PDSS2: variants seen among roughly 807,000 people sequenced by gnomAD.
PDSS2 encodes the protein decaprenyl diphosphate synthase subunit 2.
Under a neutral mutation model 44.5 loss-of-function variants are expected in PDSS2, and 31 were observed. The observed-to-expected ratio is 0.70, with a 90% CI of 0.52 to 0.94. The LOEUF is 0.94. Among genes scored for constraint, PDSS2 ranks in the 40% least tolerant of loss-of-function variants. The pLI is 0.00. For missense variants in PDSS2, 452 were observed against 482.2 expected, an observed-to-expected ratio of 0.94 and a Z score of 0.59; for synonymous variants, 157 against 180.3, an observed-to-expected ratio of 0.87 and a Z score of 1.03.
At chr6:107,166,259 T>G (rs2114332872) in intron 7 of PDSS2, among the ~76,000 whole-genome samples, 1 of 152,186 alleles carries the variant, frequency 6.6e-6, no homozygotes, top group South Asian at 2.1e-4. Context: ...CCAACGGGAA[T>G]GCTTCCAGTT....
chr6:107,284,383 GGGCGC>G (rs1776069558), intron 2 of PDSS2, among the ~76,000 whole-genome samples: 1 of 152,078 alleles, frequency 6.6e-6, no homozygotes, highest in Non-Finnish European at 1.5e-5. Context: ...TTAACTGGCT[GGGCGC>G]GGTGGCTCAC....
chr6:107,399,151 T>C (rs763408517), intron 1 of PDSS2, among the ~76,000 whole-genome samples: 3 of 152,198 alleles, frequency 2.0e-5, no homozygotes, highest in Non-Finnish European at 2.9e-5. Flanking sequence ...ATAATATTAC[T>C]ATCCTCACTA....
rs1207937684 is a variant in PDSS2 at position 107,259,478 on chromosome 6, C to T, written c.631-13859G>A. 1.3e-5 allele frequency among the ~76,000 whole-genome samples: 2 copies of T among 151,914 alleles called. 1 individual carries two copies. Among genetic ancestry groups the T allele is most frequent in the African/African-American group, 4.8e-5 (2 of 41,368 alleles). ...AGGAGTTCAAGACCAGCCTGGCCAA[C>T]ATGGTGAAACCCCACTTCTACTAAA... On this transcript the variant is annotated intron_variant, in intron 3 of 7. Transcript: ENST00000369037.
chr6:107,341,352 A>G (rs1778073823), intron 1 of PDSS2, among the ~76,000 whole-genome samples: 1 of 152,166 alleles, frequency 6.6e-6, no homozygotes, highest in African/African-American at 2.4e-5. Flanking sequence ...GATTGGAAAG[A>G]AGGAGGAGAA....
chr6:107,279,040 T>C (rs1034675388), intron 2 of PDSS2, among the ~76,000 whole-genome samples: 1 of 151,968 alleles, frequency 6.6e-6, no homozygotes, highest in African/African-American at 2.4e-5. Context: ...GCCAACATGG[T>C]GAAACCCCAT....
chr6:107,209,465 A>C (rs568514981), intron 6 of PDSS2, among the ~76,000 whole-genome samples: 48 of 151,536 alleles, frequency 3.2e-4, no homozygotes, highest in Admixed American at 6.6e-4. Context: ...CTTGGTGAAT[A>C]TGAGGAATTT....
At chr6:107,394,382 C>A (rs1280094248) in intron 1 of PDSS2, among the ~76,000 whole-genome samples, 1 of 152,138 alleles carries the variant, frequency 6.6e-6, no homozygotes, top group Non-Finnish European at 1.5e-5. Context: ...TGGAAGCTTA[C>A]AATCATGGCA....
At chr6:107,266,795 C>T (rs1238906120) in intron 3 of PDSS2, among the ~76,000 whole-genome samples, 2 of 152,118 alleles carry the variant, frequency 1.3e-5, no homozygotes, top group African/African-American at 4.8e-5. Context: ...AGGTCTTAGA[C>T]TCTGGAACAT....
At chr6:107,319,570 A>T (rs1777318345) in intron 2 of PDSS2, among the ~76,000 whole-genome samples, 1 of 152,224 alleles carries the variant, frequency 6.6e-6, no homozygotes, top group African/African-American at 2.4e-5. Context: ...AATGCTAAGG[A>T]AAGACCTAAA....
intron 2 of PDSS2, among the ~76,000 whole-genome samples, chr6:107,282,891 ATTT>A (rs909666228): frequency 2.8e-5 from 4 of 143,416 alleles, no homozygotes; most frequent in African/African-American, 1.0e-4. Flanking sequence ...AAAAAGAAGA[ATTT>A]TTTTTTTTTG....
intron 2 of PDSS2, among the ~76,000 whole-genome samples, chr6:107,310,178 G>A (rs906287317): frequency 1.3e-5 from 2 of 151,538 alleles, no homozygotes; most frequent in African/African-American, 2.4e-5. Context: ...TCAGCTACTC[G>A]GGAGGCTGAG....
intron 1 of PDSS2, among the ~76,000 whole-genome samples, chr6:107,451,521 G>A (rs183686842): frequency 3.9e-5 from 6 of 152,194 alleles, no homozygotes; most frequent in East Asian, 3.9e-4. Flanking sequence ...TAAACCCCTC[G>A]TAGCCTCTGG....
At position 107,370,408 on chromosome 6, in the gene PDSS2, A is replaced by G. The variant is rs547434495; in HGVS notation, c.297-36076T>C. ...TTGAAGAAAAAAAGAACATGCAACAATCTAAATACACTACCAGATTGTGAC... is the reference window on the plus strand; with the variant it reads ...TTGAAGAAAAAAAGAACATGCAACAGTCTAAATACACTACCAGATTGTGAC... On this transcript the variant is annotated intron_variant, in intron 1 of 7. Transcript: ENST00000369037. Among the ~76,000 whole-genome samples, 7 of 152,340 alleles carry G rather than the reference A, an allele frequency of 4.6e-5. No homozygotes were observed. The South Asian group carries it at 1.4e-3, about 32-fold the overall frequency.
At chr6:107,207,244 G>A (rs542948674) in intron 6 of PDSS2, among the ~76,000 whole-genome samples, 25 of 152,062 alleles carry the variant, frequency 1.6e-4, no homozygotes, top group Admixed American at 3.9e-4. Context: ...CGCCTGCCTC[G>A]GCCTCCCAAA....
chr6:107,427,824 T>C (rs1280494550), intron 1 of PDSS2, among the ~76,000 whole-genome samples: 2 of 152,232 alleles, frequency 1.3e-5, no homozygotes, highest in African/African-American at 4.8e-5. Flanking sequence ...AAAAATGGTT[T>C]GTAGATAGCC....
chr6:107,398,104 G>A (rs147841928), intron 1 of PDSS2, among the ~76,000 whole-genome samples: 22 of 152,242 alleles, frequency 1.4e-4, no homozygotes, highest in African/African-American at 5.1e-4. Flanking sequence ...TGTCAAATTT[G>A]GGGATCAGAT....
intron 4 of PDSS2, among the ~76,000 whole-genome samples, chr6:107,228,513 G>A (rs1773914809): frequency 6.6e-6 from 1 of 152,096 alleles, no homozygotes; most frequent in Non-Finnish European, 1.5e-5. Context: ...GGCCAACGTG[G>A]TGAAACCCCG....
intron 4 of PDSS2, among the ~76,000 whole-genome samples, chr6:107,217,260 C>G (rs374007036): frequency 6.6e-6 from 1 of 152,078 alleles, no homozygotes. Context: ...CCTTACAAGG[C>G]AAAAGGGACT....
intron 2 of PDSS2, among the ~76,000 whole-genome samples, 160 bp from the exon 3 acceptor site, chr6:107,274,387 T>C (rs938243950): frequency 6.6e-6 from 1 of 152,174 alleles, no homozygotes; most frequent in African/African-American, 2.4e-5. Context: ...GTCTCTCTAC[T>C]GAGCAGTTTG....
Sources: allele counts gnomAD v4.1 joint callset (sites outside exome capture counted in the v4.1 genomes callset), GRCh38; gene constraint gnomAD v4.1.1; transcripts MANE v1.5; gene names NCBI Gene and HGNC (gene_info 2026-07-23, HGNC 2026-07-21).